Variants in SNX27 observed in about 807,000 individuals in gnomAD.
SNX27 encodes sorting nexin 27.
Under a neutral mutation model 71.6 loss-of-function variants are expected in SNX27, and 22 were observed. The observed-to-expected ratio is 0.31, with a 90% CI of 0.22 to 0.44. SNX27 has a LOEUF of 0.44. SNX27 is among the 20% of genes least tolerant of loss of function. The probability of loss-of-function intolerance (pLI) is 1.00; values close to 1 mark genes in which losing one functional copy is unlikely to be tolerated. For missense variants in SNX27, 531 were observed against 698.6 expected (o/e 0.76, Z 2.70); for synonymous variants, 269 against 277.2 (o/e 0.97, Z 0.29).
chr1:151,612,126 C>T lies in SNX27; in HGVS notation c.-76C>T. The T allele has an allele frequency of 7.9e-7, 1 of 1,268,198 alleles. No homozygotes were observed. The highest frequency in any genetic ancestry group is 3.2e-5 in the East Asian group (1 of 31,678). The allele number at this position is 1,268,198 out of a possible 1,614,324, so 78.6% of individuals were successfully genotyped here. On this transcript the variant is annotated 5_prime_UTR_variant, in exon 1 of 12. Transcript: ENST00000458013. The surrounding 1 kb of genome is among the most constrained non-coding windows in gnomAD (Gnocchi z 5.2). ...GGCGCGCGCGTCGGGGGTCGTCCGG[C>T]TGCCAGGCAGGGCGAGCACGCGCCG... is the stretch of plus-strand genomic sequence containing the variant.
At position 151,623,691 on chromosome 1, in the gene SNX27, C is replaced by T. The variant is rs116834553; in HGVS notation, c.311+11179C>T. Among the ~76,000 whole-genome samples, 654 of 152,180 alleles carry T rather than the reference C, an allele frequency of 4.3e-3. 3 individuals are homozygous for T. Among genetic ancestry groups the T allele is most frequent in the Non-Finnish European group, 5.8e-3 (394 of 68,008 alleles). On this transcript the variant is annotated intron_variant, in intron 1 of 11. Coordinates refer to ENST00000458013, the MANE Select transcript of SNX27 (RefSeq NM_001330723.2). ...CTGGGATTATAAGTATGAGCCACTG[C>T]GCCTGACCCTTTCCCATTTCTAACA...
chr1:151,618,174 T>C (rs1474949576), intron 1 of SNX27, among the ~76,000 whole-genome samples: 2 of 152,120 alleles, frequency 1.3e-5, no homozygotes, highest in Non-Finnish European at 2.9e-5. Flanking sequence ...AAAATTCAGT[T>C]ACATTCATAT....
At chr1:151,683,307 A>G in intron 7 of SNX27, 49 bp from the exon 8 acceptor site, 1 of 1,453,696 alleles carries the variant, frequency 6.9e-7, no homozygotes, top group Non-Finnish European at 9.5e-7. Flanking sequence ...GAATGTACAT[A>G]ATAATGATTT....
At chr1:151,688,416 G>C (rs553429737) in intron 8 of SNX27, among the ~76,000 whole-genome samples, 267 of 152,234 alleles carry the variant, frequency 1.8e-3, no homozygotes, top group Middle Eastern at 3.4e-3. Context: ...GGCAGATCAC[G>C]AGGTCAGGAG....
chr1:151,653,827 G>GTT (rs1361578533), intron 2 of SNX27, among the ~76,000 whole-genome samples: 3 of 79,402 alleles, frequency 3.8e-5, no homozygotes, highest in African/African-American at 6.0e-5. Context: ...AGCCTGGAGA[G>GTT]TTTTTTTTGT....
intron 1 of SNX27, among the ~76,000 whole-genome samples, chr1:151,617,050 C>G (rs548859079): frequency 6.6e-6 from 1 of 152,166 alleles, no homozygotes; most frequent in East Asian, 1.9e-4. Flanking sequence ...GTTATACCAA[C>G]AAATAGTGAA....
At position 151,696,949 on chromosome 1, in the gene SNX27, C is replaced by A; in HGVS notation, c.*2532C>A. 6.6e-6 allele frequency: 1 copy of A among 152,280 alleles called. No homozygotes were observed. Among genetic ancestry groups the A allele is most frequent in the Non-Finnish European group, 1.5e-5 (1 of 68,074 alleles). The allele number at this position is 152,280 out of a possible 1,614,324, so 9.4% of individuals were successfully genotyped here. On this transcript the variant is annotated 3_prime_UTR_variant, in exon 12 of 12. Coordinates refer to ENST00000458013, the MANE Select transcript of SNX27 (RefSeq NM_001330723.2). ...ACAGGAGTGAGCCACTGCGCCTGGCCCACTTTTCTTTCTTTCCTTCTTATT... is the reference window on the plus strand; with the variant it reads ...ACAGGAGTGAGCCACTGCGCCTGGCACACTTTTCTTTCTTTCCTTCTTATT...
chr1:151,659,017 A>G (rs774938858), intron 3 of SNX27, among the ~76,000 whole-genome samples: 8 of 152,180 alleles, frequency 5.3e-5, no homozygotes, highest in Non-Finnish European at 8.8e-5. Flanking sequence ...AGACTCAGCA[A>G]TATGCTGAAT....
At chr1:151,626,752 A>T (rs947282641) in intron 1 of SNX27, among the ~76,000 whole-genome samples, 1 of 152,212 alleles carries the variant, frequency 6.6e-6, no homozygotes, top group African/African-American at 2.4e-5. Context: ...GAGAAAACTT[A>T]AATTGATTGA....
At chr1:151,624,409 T>TTATATATATATATATA (rs10577800) in intron 1 of SNX27, among the ~76,000 whole-genome samples, 5 of 129,774 alleles carry the variant, frequency 3.9e-5, no homozygotes, top group South Asian at 4.8e-4. Context: ...TAGCTTGATT[T>TTATATATATATATATA]TATATATATA....
At chr1:151,690,780 T>G (rs1671404132) in intron 8 of SNX27, among the ~76,000 whole-genome samples, 1 of 152,130 alleles carries the variant, frequency 6.6e-6, no homozygotes, top group Non-Finnish European at 1.5e-5. Context: ...CAAATCACAC[T>G]GTGGTTTAGA....
chr1:151,693,310 T>C, intron 10 of SNX27, 114 bp from the exon 11 acceptor site: 3 of 1,141,328 alleles, frequency 2.6e-6, no homozygotes, highest in Non-Finnish European at 3.9e-6. Flanking sequence ...CTTGTCAGGG[T>C]TTTTCTCTAG....
chr1:151,667,826 C>CAA lies in SNX27; in HGVS notation c.986-622_986-621dup, dbSNP rs138979420. Among the ~76,000 whole-genome samples, 122 of 74,144 alleles carry CAA rather than the reference C, an allele frequency of 1.6e-3. 1 individual carries two copies. The East Asian group carries it at 0.017, about 10-fold the overall frequency. The allele number at this position is 74,144 out of a possible 152,430, so 48.6% of individuals were successfully genotyped here. A position where few individuals can be genotyped will look rare whatever the true frequency, so the allele number is the denominator to read the frequency against. ...TGGGCGACAGAGCGAGACTCCGTCT[C>CAA]AAAAAAAAAAAAAAAAAAAAAAAAA... On this transcript the variant is annotated intron_variant, in intron 6 of 11. Transcript: ENST00000458013.
intron 5 of SNX27, among the ~76,000 whole-genome samples, chr1:151,663,445 G>A (rs988103102): frequency 1.1e-4 from 16 of 151,950 alleles, no homozygotes; most frequent in African/African-American, 3.1e-4. Context: ...CCACCACCCC[G>A]GCCTCACATT....
At chr1:151,654,350 C>T (rs1259610566) in intron 2 of SNX27, among the ~76,000 whole-genome samples, 1 of 152,090 alleles carries the variant, frequency 6.6e-6, no homozygotes, top group Non-Finnish European at 1.5e-5. Flanking sequence ...TTCTTTTGCC[C>T]TTCCTTCTTA....
intron 1 of SNX27, among the ~76,000 whole-genome samples, chr1:151,634,633 G>A (rs1039834196): frequency 2.0e-5 from 3 of 152,080 alleles, no homozygotes; most frequent in Non-Finnish European, 4.4e-5. Flanking sequence ...AAATTATCGC[G>A]TGTGTCTTTA....
intron 1 of SNX27, among the ~76,000 whole-genome samples, chr1:151,628,740 T>C (rs1668064162): frequency 6.6e-6 from 1 of 152,226 alleles, no homozygotes; most frequent in Non-Finnish European, 1.5e-5. Context: ...ATGAATGATA[T>C]TGAGCATCTT....
rs1402889316 is a variant in SNX27 at position 151,698,430 on chromosome 1, G to A, written c.*4013G>A. On this transcript the variant is annotated 3_prime_UTR_variant, in exon 12 of 12. Coordinates refer to ENST00000458013, the MANE Select transcript of SNX27 (RefSeq NM_001330723.2). ...ACTGTTTGGCTAGATTCATTCAGCA[G>A]TAGAAGCTGTTTGATCTGTTGACCC... 1 of 152,652 alleles carries A rather than the reference G, an allele frequency of 6.6e-6. No homozygotes were observed. The highest frequency in any genetic ancestry group is 6.5e-5 in the Admixed American group (1 of 15,290). The allele number at this position is 152,652 out of a possible 1,614,324, so 9.5% of individuals were successfully genotyped here.
At chr1:151,625,265 G>A (rs1667871868) in intron 1 of SNX27, among the ~76,000 whole-genome samples, 1 of 152,168 alleles carries the variant, frequency 6.6e-6, no homozygotes, top group Non-Finnish European at 1.5e-5. Flanking sequence ...CCAGTACTTT[G>A]GGAGGCCGAA....
Sources: gnomAD v4.1 joint callset for allele counts (sites outside exome capture counted in the v4.1 genomes callset) on GRCh38, gnomAD v4.1.1 for gene constraint, Gnocchi (gnomAD v3.1) non-coding constraint, MANE v1.5 for transcripts, NCBI Gene and HGNC (gene_info 2026-07-23, HGNC 2026-07-21) for gene names.